PAK3: variants seen among roughly 807,000 people sequenced by gnomAD.
PAK3 encodes the protein p21 (RAC1) activated kinase 3, also known as serine/threonine-protein kinase PAK 3.
Under a neutral mutation model 41.0 loss-of-function variants are expected in PAK3, and 4 were observed. That is an observed-to-expected ratio of 0.10 (90% CI 0.05 to 0.22). The LOEUF (loss-of-function observed/expected upper bound fraction) is 0.22. Ranked by LOEUF, PAK3 falls within the 10% of genes least tolerant of loss-of-function variation. The probability of loss-of-function intolerance (pLI) is 1.00; values close to 1 mark genes in which losing one functional copy is unlikely to be tolerated. For synonymous variants in PAK3, 146 were observed against 139.6 expected (o/e 1.05, Z -0.32); for missense variants, 205 against 409.9 (o/e 0.50, Z 4.32).
chrX:110,946,798 G>T (rs1001912202), intron 1 of PAK3, among the ~76,000 whole-genome samples: 2 of 112,340 alleles, frequency 1.8e-5, no homozygotes, highest in Non-Finnish European at 3.8e-5. Context: ...AAATCCATTG[G>T]CTGTGATCTT....
At chrX:111,179,009 A>G (rs1170325519) in intron 11 of PAK3, among the ~76,000 whole-genome samples, 2 of 99,053 alleles carry the variant, frequency 2.0e-5, no homozygotes, top group Non-Finnish European at 3.9e-5. Context: ...ATATCTATAT[A>G]TCTATATATA....
chrX:111,157,606 C>T (rs926339914), intron 8 of PAK3, among the ~76,000 whole-genome samples: 11 of 110,193 alleles, frequency 1.0e-4, no homozygotes, highest in African/African-American at 3.0e-4. Context: ...GCCTGACCAA[C>T]GTGGAGAAAC....
intron 1 of PAK3, among the ~76,000 whole-genome samples, chrX:111,046,050 C>T (rs1007006177): frequency 2.7e-5 from 3 of 111,477 alleles, no homozygotes; most frequent in Admixed American, 9.6e-5. Context: ...CCTGGCTATC[C>T]TCCTTAACTG....
intron 1 of PAK3, among the ~76,000 whole-genome samples, chrX:111,010,642 C>G (rs906883506): frequency 9.0e-6 from 1 of 110,960 alleles, no homozygotes; most frequent in African/African-American, 3.3e-5. Context: ...CTCTCTTGCT[C>G]CCTCTCTCAC....
chrX:111,035,370 C>A (rs1482702338), intron 1 of PAK3, among the ~76,000 whole-genome samples: 1 of 111,458 alleles, frequency 9.0e-6, no homozygotes, highest in African/African-American at 3.3e-5. Flanking sequence ...CTCTAAGCCT[C>A]AGTTTGTTCA....
Position 111,197,675 on chromosome X carries a change from G to A in PAK3, c.1407+1035G>A, listed in dbSNP as rs1023216398. 1.6e-4 allele frequency among the ~76,000 whole-genome samples: 18 copies of A among 110,617 alleles called. No homozygotes were observed. The South Asian group carries it at 2.3e-3, about 14-fold the overall frequency. Reference sequence around the variant, plus strand: ...AGCATTCCCTTTTCTCCTGAACCTCGCCAGCATCTGTTATTTTTTGACTTT... The same window carrying A: ...AGCATTCCCTTTTCTCCTGAACCTCACCAGCATCTGTTATTTTTTGACTTT... On this transcript the variant is annotated intron_variant, in intron 16 of 17. Transcript: ENST00000372007.
chrX:111,203,099 G>A (rs1400131292), intron 16 of PAK3, among the ~76,000 whole-genome samples: 1 of 111,443 alleles, frequency 9.0e-6, no homozygotes, highest in African/African-American at 3.3e-5. Flanking sequence ...ATGGCAATCA[G>A]GAAATGTCAA....
intron 16 of PAK3, among the ~76,000 whole-genome samples, chrX:111,213,496 T>C (rs2094843225): frequency 8.9e-6 from 1 of 112,044 alleles, no homozygotes; most frequent in Non-Finnish European, 1.9e-5. Context: ...AAGATGTGTA[T>C]GTACTTTCAA....
intron 5 of PAK3, among the ~76,000 whole-genome samples, chrX:111,134,759 G>A (rs2093764856): frequency 9.0e-6 from 1 of 111,378 alleles, no homozygotes; most frequent in Non-Finnish European, 1.9e-5. Context: ...TCTTAAAGGA[G>A]GCATAGAACT....
At chrX:111,158,108 G>A (rs1474687130) in intron 8 of PAK3, among the ~76,000 whole-genome samples, 1 of 111,694 alleles carries the variant, frequency 9.0e-6, no homozygotes, top group Non-Finnish European at 1.9e-5. Context: ...ATGTCAGGAG[G>A]GAATATTTAT....
At chrX:110,956,399 G>A (rs2090859321) in intron 1 of PAK3, among the ~76,000 whole-genome samples, 1 of 111,523 alleles carries the variant, frequency 9.0e-6, no homozygotes, top group African/African-American at 3.3e-5. Flanking sequence ...CTTGGTCCCT[G>A]CTTTTCTATA....
At chrX:111,026,743 TG>T in intron 1 of PAK3, among the ~76,000 whole-genome samples, 1 of 111,591 alleles carries the variant, frequency 9.0e-6, no homozygotes, top group Middle Eastern at 4.6e-3. Flanking sequence ...CCAAAAGCAG[TG>T]GACAAATTCA....
chrX:110,974,780 TC>T (rs2091292055), intron 1 of PAK3, among the ~76,000 whole-genome samples: 1 of 111,838 alleles, frequency 8.9e-6, no homozygotes, highest in South Asian at 3.8e-4. Context: ...GTTGGCTTCA[TC>T]CCTGGGAAGC....
At chrX:111,024,974 T>G (rs762807198) in intron 1 of PAK3, among the ~76,000 whole-genome samples, 1 of 111,527 alleles carries the variant, frequency 9.0e-6, no homozygotes, top group African/African-American at 3.2e-5. Flanking sequence ...GGAATAAAGT[T>G]GGAAATCAAC....
chrX:110,992,583 G>T (rs886105758), intron 1 of PAK3, among the ~76,000 whole-genome samples: 10 of 109,807 alleles, frequency 9.1e-5, no homozygotes, highest in Non-Finnish European at 1.9e-4. Context: ...TCCTGAGGGC[G>T]ACACAGAGAG....
At chrX:110,974,245 AAT>A (rs1156847063) in intron 1 of PAK3, among the ~76,000 whole-genome samples, 1 of 111,607 alleles carries the variant, frequency 9.0e-6, no homozygotes, top group Non-Finnish European at 1.9e-5. Context: ...CTCCACCCCA[AAT>A]CAAATAGATG....
At chrX:111,108,728 C>T (rs994603729) in intron 4 of PAK3, among the ~76,000 whole-genome samples, 3 of 112,138 alleles carry the variant, frequency 2.7e-5, no homozygotes, top group Admixed American at 9.4e-5. Context: ...GGACTGCTGG[C>T]TTAAGAGAAA....
At chrX:111,177,066 A>G (rs569219888) in intron 11 of PAK3, among the ~76,000 whole-genome samples, 93 of 109,140 alleles carry the variant, frequency 8.5e-4, no homozygotes, top group Non-Finnish European at 1.5e-3. Flanking sequence ...CCTAAGTTAT[A>G]TAAACTAGTA....
rs1305832776 is a variant in PAK3, at chrX:111,220,350, T to C, written c.1546-8T>C. 11 of 1,138,524 alleles carry C rather than the reference T, an allele frequency of 9.7e-6. No individual in the cohort carries two copies. The highest frequency in any genetic ancestry group is 1.2e-5 in the Non-Finnish European group (10 of 830,701). 93.8% of individuals were successfully genotyped at this position (1,138,524 alleles called of 1,213,427 possible). On this transcript the variant is annotated splice_polypyrimidine_tract_variant and splice_region_variant and intron_variant, in intron 17 of 17. Transcript: ENST00000372007. ...TCCAATAATTCCTCTTTTTCCTTCCTTTTGCAGCATCCATTTTTAAAATTA... is the reference window on the plus strand; with the variant it reads ...TCCAATAATTCCTCTTTTTCCTTCCCTTTGCAGCATCCATTTTTAAAATTA...
Sources: gnomAD v4.1 joint callset for allele counts (sites outside exome capture counted in the v4.1 genomes callset) on GRCh38, gnomAD v4.1.1 for gene constraint, MANE v1.5 for transcripts, NCBI Gene and HGNC (gene_info 2026-07-23, HGNC 2026-07-21) for gene names.